RAD51B: variants seen among roughly 807,000 people sequenced by gnomAD.
The protein encoded by RAD51B is DNA repair protein RAD51 homolog 2.
In RAD51B, 38 loss-of-function variants were observed where a neutral mutation model predicts 42.2. The observed-to-expected ratio is 0.90, with a 90% confidence interval of 0.70 to 1.18. The LOEUF is 1.18. RAD51B is among the 50% of genes most tolerant of loss of function. RAD51B has a pLI of 0.00. For missense variants in RAD51B, 373 were observed against 400.7 expected (o/e 0.93, Z 0.59); for synonymous variants, 154 against 145.2 (o/e 1.06, Z -0.43).
At chr14:68,404,274 G>A (rs923071136) in intron 8 of RAD51B, among the ~76,000 whole-genome samples, 2 of 152,168 alleles carry the variant, frequency 1.3e-5, no homozygotes, top group African/African-American at 4.8e-5. Flanking sequence ...TCATCAAAAA[G>A]GAGAGAGAGG....
chr14:68,016,678 T>C (rs2075782822), intron 7 of RAD51B, among the ~76,000 whole-genome samples: 1 of 152,228 alleles, frequency 6.6e-6, no homozygotes, highest in Non-Finnish European at 1.5e-5. Context: ...CAGGCTCTGC[T>C]GACTGTGTAA....
chr14:68,371,056 G>GAAAA (rs869154803), intron 8 of RAD51B, among the ~76,000 whole-genome samples: 2 of 90,632 alleles, frequency 2.2e-5, no homozygotes, highest in African/African-American at 4.2e-5. Flanking sequence ...AAAAAAAAAA[G>GAAAA]AAAAAAAGAA....
chr14:68,626,545 A>T (rs1892087119), intron 10 of RAD51B, among the ~76,000 whole-genome samples: 1 of 152,136 alleles, frequency 6.6e-6, no homozygotes, highest in South Asian at 2.1e-4. Context: ...GGTCACCATC[A>T]CTCACTCACA....
chr14:67,997,349 CA>C (rs1363611870), intron 7 of RAD51B, among the ~76,000 whole-genome samples: 1 of 152,120 alleles, frequency 6.6e-6, no homozygotes, highest in African/African-American at 2.4e-5. Flanking sequence ...TGAGAAGAAG[CA>C]ACCAATGAGA....
chr14:68,278,917 T>C (rs1416956765), intron 7 of RAD51B, among the ~76,000 whole-genome samples: 1 of 152,244 alleles, frequency 6.6e-6, no homozygotes, highest in Non-Finnish European at 1.5e-5. Context: ...CTAAATGATG[T>C]TGCATGTGAA....
At chr14:68,607,572 C>T (rs1891499773) in intron 10 of RAD51B, among the ~76,000 whole-genome samples, 1 of 152,236 alleles carries the variant, frequency 6.6e-6, no homozygotes, top group South Asian at 2.1e-4. Flanking sequence ...TTCTGCCGAG[C>T]TTAAGTGCAG....
chr14:68,181,319 T>G (rs2079057186), intron 7 of RAD51B, among the ~76,000 whole-genome samples: 1 of 152,186 alleles, frequency 6.6e-6, no homozygotes, highest in South Asian at 2.1e-4. Flanking sequence ...GAGAGCGGAT[T>G]GTGGGAAGCA....
At chr14:68,075,563 A>G (rs975524640) in intron 7 of RAD51B, among the ~76,000 whole-genome samples, 14 of 152,194 alleles carry the variant, frequency 9.2e-5, no homozygotes, top group African/African-American at 3.1e-4. Context: ...TGGAGGCACA[A>G]GTCAAGCACT....
downstream of RAD51B, among the ~76,000 whole-genome samples, chr14:68,480,733 T>A (rs1453757313): frequency 1.3e-5 from 2 of 152,218 alleles, no homozygotes; most frequent in African/African-American, 4.8e-5. Context: ...TTGTTACTGA[T>A]CCTTTCCCTC....
intron 7 of RAD51B, among the ~76,000 whole-genome samples, chr14:68,091,417 C>T (rs1316711220): frequency 5.3e-5 from 8 of 152,166 alleles, no homozygotes; most frequent in Non-Finnish European, 1.0e-4. Context: ...GATGGTATCT[C>T]ATTGTGGTTT....
intron 7 of RAD51B, among the ~76,000 whole-genome samples, chr14:68,119,689 G>T (rs2077613227): frequency 6.6e-6 from 1 of 151,088 alleles, no homozygotes; most frequent in Non-Finnish European, 1.5e-5. Context: ...TGGTGTATAT[G>T]TGCCACATTT....
chr14:67,825,623 C>T (rs1342812413), intron 3 of RAD51B, 46 bp downstream of exon 3: 7 of 1,411,410 alleles, frequency 5.0e-6, no homozygotes, highest in Non-Finnish European at 6.8e-6. Flanking sequence ...GATTCCTCAT[C>T]TCATTAAACA....
intron 8 of RAD51B, 59 bp downstream of exon 8, chr14:68,292,039 C>T (rs1481828825): frequency 5.6e-6 from 8 of 1,422,998 alleles, no homozygotes; most frequent in Non-Finnish European, 6.0e-6. Context: ...CCCACTGCCT[C>T]TCCACCTCCT....
intron 11 of RAD51B, among the ~76,000 whole-genome samples, chr14:68,651,982 G>C (rs1892710277): frequency 6.6e-6 from 1 of 152,174 alleles, no homozygotes; most frequent in South Asian, 2.1e-4. Context: ...GGGCGCATCT[G>C]GGAATGGGGG....
At chr14:67,838,738 G>A (rs1350412627) in intron 4 of RAD51B, among the ~76,000 whole-genome samples, 2 of 151,602 alleles carry the variant, frequency 1.3e-5, no homozygotes, top group South Asian at 2.1e-4. Flanking sequence ...GAGCTACTGC[G>A]CCTGGCCTTC....
chr14:68,499,660 A>T (rs1403110443), intron 10 of RAD51B, among the ~76,000 whole-genome samples: 1 of 152,134 alleles, frequency 6.6e-6, no homozygotes, highest in East Asian at 1.9e-4. Context: ...ATCTAATGAC[A>T]AGCATCCTGA....
At chr14:67,890,258 T>G (rs2043177492) in intron 7 of RAD51B, among the ~76,000 whole-genome samples, 1 of 152,116 alleles carries the variant, frequency 6.6e-6, no homozygotes, top group African/African-American at 2.4e-5. Flanking sequence ...AAATTTAGTT[T>G]GGCCCCTTCA....
intron 10 of RAD51B, among the ~76,000 whole-genome samples, chr14:68,646,251 A>G (rs1182853706): frequency 6.6e-6 from 1 of 152,180 alleles, no homozygotes; most frequent in Non-Finnish European, 1.5e-5. Context: ...TTCTCACAAA[A>G]GTGGCTGCTT....
rs377399376 is a variant in RAD51B, at chr14:68,075,661, G to A, written c.756+188457G>A. 1.4e-4 allele frequency among the ~76,000 whole-genome samples: 21 copies of A among 152,214 alleles called. No individual in the cohort carries two copies. The East Asian group carries it at 3.3e-3, about 24-fold the overall frequency. On this transcript the variant is annotated intron_variant, in intron 7 of 10. Coordinates refer to ENST00000471583, the MANE Select transcript of RAD51B (RefSeq NM_133510.4). ...CAGAGGGGCTGGCAGCTGCCTTTGG[G>A]AGCTGCACCCCTGGGAAATACAGAG... is the stretch of plus-strand genomic sequence containing the variant.
Sources: gnomAD v4.1 joint callset for allele counts (sites outside exome capture counted in the v4.1 genomes callset) on GRCh38, gnomAD v4.1.1 for gene constraint, MANE v1.5 for transcripts, NCBI Gene and HGNC (gene_info 2026-07-23, HGNC 2026-07-21) for gene names.